FBL: variants seen among roughly 807,000 people sequenced by gnomAD.
FBL encodes the protein rRNA 2'-O-methyltransferase fibrillarin.
A neutral mutation model predicts 42.2 loss-of-function variants in FBL; 10 were observed. That is an observed-to-expected ratio of 0.24 (90% confidence interval 0.15 to 0.40). The LOEUF (loss-of-function observed/expected upper bound fraction) is 0.40. FBL is among the 10% of genes least tolerant of loss of function. The probability of loss-of-function intolerance (pLI) is 1.00; values close to 1 mark genes in which losing one functional copy is unlikely to be tolerated. For missense variants in FBL, 351 were observed against 439.2 expected (o/e 0.80, Z 1.79); for synonymous variants, 165 against 165.4 (o/e 1.00, Z 0.02).
At position 39,846,306 on chromosome 19, in the gene FBL, G is replaced by T; in HGVS notation, c.-6C>A. The T allele has an allele frequency of 6.2e-7, 1 of 1,613,746 alleles. No homozygotes were observed. Among genetic ancestry groups the T allele is most frequent in the Non-Finnish European group, 8.5e-7 (1 of 1,179,852 alleles). ...CCAGCCTGACCTGGCTTCATGGCGA[G>T]CCCTGGTTTGTGCGGCTCCGGAGTC... On this transcript the variant is annotated 5_prime_UTR_variant, in exon 1 of 9. Transcript: ENST00000221801.
At chr19:39,839,337 G>A in intron 4 of FBL, 132 bp from the exon 5 acceptor site, 1 of 689,450 alleles carries the variant, frequency 1.5e-6, no homozygotes, top group Non-Finnish European at 2.4e-6. Context: ...GTAAAGAGCA[G>A]TGACCATGCA....
intron 1 of FBL, among the ~76,000 whole-genome samples, chr19:39,843,769 A>G (rs559479759): frequency 6.6e-6 from 1 of 152,344 alleles, no homozygotes; most frequent in East Asian, 1.9e-4. Context: ...TTCTGTATCA[A>G]AAAAATAAAA....
rs1210775617 is a variant in FBL at position 39,837,800 on chromosome 19, C to T, written c.593G>A (p.Arg198His). Residue 198 changes from arginine to histidine, a missense_variant, in exon 6 of 9, where the codon CGT (arginine) becomes CAT (histidine). By Grantham distance (29) the Arg-to-His change is conservative. Coordinates refer to ENST00000221801, the MANE Select transcript of FBL (RefSeq NM_001436.4). ...CTTCTTGGCCAAGTTAATGAGGTCA[C>T]GGCCAGAGCGGTGGGAGAACTCGAC... is the stretch of plus-strand genomic sequence containing the variant. The part of the protein sequence containing the change: ...YAVEFSHRSG[R>H]DLINLAKKRT... 5 of 1,611,764 alleles carry T rather than the reference C, an allele frequency of 3.1e-6. No individual in the cohort carries two copies. The highest frequency in any genetic ancestry group is 1.7e-6 in the Non-Finnish European group (2 of 1,179,102).
chr19:39,839,944 G>A (rs1410724309), intron 4 of FBL, among the ~76,000 whole-genome samples: 1 of 151,916 alleles, frequency 6.6e-6, no homozygotes, highest in African/African-American at 2.4e-5. Flanking sequence ...GCAAGGCCAG[G>A]GTGGCTGGAG....
In FBL at chr19:39,840,069, C is replaced by T. The variant is rs763161603; in HGVS notation, c.378+164G>A. ...AGACTCAGGAGTCTAACTGGAAGGC[C>T]GTGGGGAGTCACAGAAGGCGGATGA... is the stretch of plus-strand genomic sequence containing the variant. On this transcript the variant is annotated intron_variant, in intron 4 of 8. Coordinates refer to ENST00000221801, the MANE Select transcript of FBL (RefSeq NM_001436.4). The surrounding 1 kb of genome is among the most constrained non-coding windows in gnomAD (Gnocchi z 4.5). 2.0e-4 allele frequency among the ~76,000 whole-genome samples: 31 copies of T among 151,954 alleles called. No individual in the cohort carries two copies. The highest frequency in any genetic ancestry group is 6.3e-3 in the Middle Eastern group (2 of 316).
chr19:39,834,825 A>G lies in FBL; in HGVS notation c.796-12T>C. On this transcript the variant is annotated splice_polypyrimidine_tract_variant and intron_variant, in intron 7 of 8. Coordinates refer to ENST00000221801, the MANE Select transcript of FBL (RefSeq NM_001436.4). Reference sequence around the variant, plus strand: ...TCAATGCAGTTGGCCTAAAGAGGAGAAAGGACTAATGTCTACAACAGGGCT... The same window carrying G: ...TCAATGCAGTTGGCCTAAAGAGGAGGAAGGACTAATGTCTACAACAGGGCT... The G allele has an allele frequency of 6.2e-7, 1 of 1,614,132 alleles. No homozygotes were observed. Among genetic ancestry groups the G allele is most frequent in the Non-Finnish European group, 8.5e-7 (1 of 1,179,974 alleles).
chr19:39,837,893 G>A (rs1362313023), intron 5 of FBL, 50 bp from the exon 6 acceptor site: 1 of 1,555,614 alleles, frequency 6.4e-7, no homozygotes, highest in South Asian at 1.1e-5. Flanking sequence ...CTCATGCATG[G>A]AGTGCCTACT....
intron 4 of FBL, among the ~76,000 whole-genome samples, chr19:39,839,860 G>A (rs1268246838): frequency 1.3e-5 from 2 of 152,178 alleles, no homozygotes; most frequent in African/African-American, 2.4e-5. Context: ...GCCTTGACCC[G>A]CAGAGTGGTG....
chr19:39,834,676 T>G lies in FBL; in HGVS notation c.933A>C (p.Gly311=), dbSNP rs1196975548. The change falls in exon 8 of 9, where the codon GGA becomes GGC. Residue 311 remains glycine, a synonymous_variant. Transcript: ENST00000221801. ...GCTGGGCCCCTGCTCACCTGTACAC[T>G]CCCACGACCACGGCATGGTCTCTTT... is the stretch of plus-strand genomic sequence containing the variant. ...PYERDHAVVV[G]VYRPPPKVKN 6.2e-7 allele frequency: 1 copy of G among 1,614,108 alleles called. No individual in the cohort carries two copies. The highest frequency in any genetic ancestry group is 1.7e-5 in the Admixed American group (1 of 60,022).
chr19:39,838,267 T>G (rs1022281590), intron 5 of FBL: 39 of 151,572 alleles, frequency 2.6e-4, no homozygotes, highest in South Asian at 1.8e-3. Context: ...GCCTGAGGTT[T>G]TTTTTTTTTT....
chr19:39,846,378 AGAGCGCAGGCGCGCGGC>A (rs1969264438), exon 1 of FBL: 1 of 1,580,154 alleles, frequency 6.3e-7, no homozygotes, highest in Non-Finnish European at 8.6e-7. Context: ...CACGTGGAAA[AGAGCGCAGGCGCGCGGC>A]GACGTGCGCT....
rs1358495124 is a variant in FBL at position 39,839,111 on chromosome 19, T to C, written c.473A>G (p.Lys158Arg). The change falls in exon 5 of 9, where the codon AAA becomes AGA. Residue 158 changes from lysine to arginine, a missense_variant. Physicochemically the swap from Lys to Arg is conservative, Grantham distance 26. Coordinates refer to ENST00000221801, the MANE Select transcript of FBL (RefSeq NM_001436.4). ...GAGGTAGAGAACCTTAGCCCCCGGT[T>C]TGATGTGGATCTGGTCCACACCACC... ...ILGGVDQIHI[K>R]PGAKVLYLGA... 9 of 1,614,050 alleles carry C rather than the reference T, an allele frequency of 5.6e-6. No homozygotes were observed. In the South Asian group the frequency reaches 7.7e-5, roughly 14 times the overall value.
At chr19:39,846,218 T>C in intron 1 of FBL, 73 bp downstream of exon 1, 1 of 1,576,242 alleles carries the variant, frequency 6.3e-7, no homozygotes, top group Non-Finnish European at 8.7e-7. Context: ...GCCCCACCCC[T>C]CCGATTCTGG....
intron 8 of FBL, 45 bp from the exon 9 acceptor site, chr19:39,834,607 G>A (rs1968989640): frequency 1.2e-6 from 2 of 1,613,886 alleles, no homozygotes; most frequent in Non-Finnish European, 1.7e-6. Context: ...CCAGGATCAT[G>A]GCACTCGGGG....
rs751047970 is a variant in FBL at position 39,840,796 on chromosome 19, G to A, written c.11-9C>T. 2.9e-5 allele frequency: 45 copies of A among 1,533,398 alleles called. No individual in the cohort carries two copies. Among genetic ancestry groups the A allele is most frequent in the Non-Finnish European group, 3.8e-5 (43 of 1,138,324 alleles). The allele number at this position is 1,533,398 out of a possible 1,614,324, so 95.0% of individuals were successfully genotyped here. On this transcript the variant is annotated splice_polypyrimidine_tract_variant and intron_variant, in intron 1 of 8. Coordinates refer to ENST00000221801, the MANE Select transcript of FBL (RefSeq NM_001436.4). This position sits in a 1 kb window ranked among gnomAD's most constrained non-coding sequence, Gnocchi z 4.5. The stretch of plus-strand genomic sequence containing the variant: ...CCCACGGGGACTGAATCCTGTGGGG[G>A]AAACAAAACAGGAGTCAGGGCAATG...
chr19:39,844,053 A>G (rs1471146500), intron 1 of FBL, among the ~76,000 whole-genome samples: 3 of 152,160 alleles, frequency 2.0e-5, no homozygotes, highest in Non-Finnish European at 2.9e-5. Flanking sequence ...TTGATCTTTT[A>G]AAATGAAGTT....
At chr19:39,836,914 G>A (rs572564822) in intron 6 of FBL, among the ~76,000 whole-genome samples, 1 of 152,350 alleles carries the variant, frequency 6.6e-6, no homozygotes, top group African/African-American at 2.4e-5. Context: ...GCCCTGGGCC[G>A]GGCGTGGGGG....
chr19:39,836,443 T>C (rs1257456545), intron 7 of FBL, 113 bp downstream of exon 7: 9 of 624,998 alleles, frequency 1.4e-5, no homozygotes, highest in Non-Finnish European at 2.2e-5. Flanking sequence ...TCCAAAGCTA[T>C]AGTTTTGCAG....
At chr19:39,839,241 C>T in intron 4 of FBL, 36 bp from the exon 5 acceptor site, 8 of 1,559,338 alleles carry the variant, frequency 5.1e-6, no homozygotes, top group Non-Finnish European at 7.0e-6. Flanking sequence ...CAGTGCTAGG[C>T]TCTTCTGCAG....
Sources: allele counts gnomAD v4.1 joint callset (sites outside exome capture counted in the v4.1 genomes callset), GRCh38; gene constraint gnomAD v4.1.1; non-coding constraint Gnocchi (gnomAD v3.1); transcripts MANE v1.5; gene names NCBI Gene and HGNC (gene_info 2026-07-23, HGNC 2026-07-21).